The following VWA5B1 variants were observed in gnomAD, a reference collection of about 807,000 sequenced individuals.
VWA5B1 encodes the protein von Willebrand factor A domain containing 5B1.
A neutral mutation model predicts 118.2 loss-of-function variants in VWA5B1; 115 were observed. That is an observed-to-expected ratio of 0.97 (90% CI 0.84 to 1.14). VWA5B1 has a LOEUF of 1.14. Among genes scored for constraint, VWA5B1 ranks in the 50% most tolerant of loss-of-function variants. The pLI, the probability that VWA5B1 is intolerant of heterozygous loss-of-function variation, is 0.00. For missense variants in VWA5B1, 1,596 were observed against 1,603.8 expected (o/e 1.00, Z 0.08); for synonymous variants, 682 against 658.4 (o/e 1.04, Z -0.55).
At chr1:20,294,684 G>A (rs868283177) in intron 1 of VWA5B1, among the ~76,000 whole-genome samples, 13 of 151,992 alleles carry the variant, frequency 8.6e-5, no homozygotes, top group Middle Eastern at 6.3e-3. Flanking sequence ...TCTCCATGTT[G>A]GTCTGGCTGG....
intron 18 of VWA5B1, chr1:20,349,164 G>C (rs767160492): frequency 6.7e-6 from 3 of 445,844 alleles, no homozygotes; most frequent in Non-Finnish European, 1.4e-5. Flanking sequence ...CACAGTGTGA[G>C]GGGGTGGAAA....
chr1:20,351,763 G>A (rs1172898879), intron 20 of VWA5B1, among the ~76,000 whole-genome samples: 1 of 152,164 alleles, frequency 6.6e-6, no homozygotes, highest in African/African-American at 2.4e-5. Flanking sequence ...AGTAAGCTAC[G>A]ATTGTGTCCC....
Position 20,330,867 on chromosome 1 carries a change from A to T in VWA5B1, c.1458-2A>T, listed in dbSNP as rs1157603917. ...GCAGCCTCTCTTCTCCCTTTCCGCCAGGTGCTATAGCTTTGGAATTGGACC... is the reference window on the plus strand; with the variant it reads ...GCAGCCTCTCTTCTCCCTTTCCGCCTGGTGCTATAGCTTTGGAATTGGACC... On this transcript the variant is annotated splice_acceptor_variant, in intron 10 of 21. Coordinates refer to ENST00000289815, the MANE Select transcript of VWA5B1 (RefSeq NM_001039500.3). LOFTEE classifies it high-confidence loss of function. The T allele has an allele frequency of 1.3e-6, 2 of 1,551,596 alleles. No homozygotes were observed. The highest frequency in any genetic ancestry group is 1.4e-5 in the African/African-American group (1 of 73,172).
chr1:20,324,856 A>T (rs1014119077), intron 8 of VWA5B1, among the ~76,000 whole-genome samples: 2 of 152,164 alleles, frequency 1.3e-5, no homozygotes, highest in African/African-American at 4.8e-5. Flanking sequence ...AGTAGGGCTG[A>T]TTGGCACCTT....
chr1:20,292,291 A>T lies in VWA5B1; in HGVS notation c.-27+1203A>T, dbSNP rs549636491. 3.3e-5 allele frequency among the ~76,000 whole-genome samples: 5 copies of T among 151,650 alleles called. No individual in the cohort carries two copies. In the East Asian group the frequency reaches 9.8e-4, roughly 30 times the overall value. On this transcript the variant is annotated intron_variant, in intron 1 of 21. Transcript: ENST00000289815. ...TCACCTGTCTAAACCCAGCCAGCTC[A>T]TGGGGACTGGACGAGGCTCAAAGGG... is the stretch of plus-strand genomic sequence containing the variant.
chr1:20,350,769 C>A, intron 19 of VWA5B1, 88 bp from the exon 20 acceptor site: 2 of 1,300,294 alleles, frequency 1.5e-6, no homozygotes, highest in Non-Finnish European at 2.2e-6. Flanking sequence ...ACCTGCCCCT[C>A]TCTAGGCCTC....
chr1:20,346,515 G>A (rs2090012204), intron 17 of VWA5B1, among the ~76,000 whole-genome samples: 1 of 152,136 alleles, frequency 6.6e-6, no homozygotes, highest in Non-Finnish European at 1.5e-5. Context: ...ATCTCCTCAG[G>A]GTTAATTAAT....
chr1:20,314,729 A>G, intron 4 of VWA5B1, 137 bp downstream of exon 4: 1 of 1,427,524 alleles, frequency 7.0e-7, no homozygotes, highest in Non-Finnish European at 9.3e-7. Context: ...CCACCCTCTG[A>G]GCCATTTGCT....
intron 10 of VWA5B1, 53 bp from the exon 11 acceptor site, chr1:20,330,816 C>T: frequency 6.7e-7 from 1 of 1,490,138 alleles, no homozygotes; most frequent in Non-Finnish European, 9.2e-7. Context: ...CATCAGGAGG[C>T]AAAGATGCAG....
chr1:20,353,633 G>A (rs561797195), intron 21 of VWA5B1, 124 bp from the exon 22 acceptor site: 1 of 1,279,194 alleles, frequency 7.8e-7, no homozygotes, highest in South Asian at 1.7e-5. Context: ...ATTGACCTGG[G>A]TATCCTGAAA....
rs757450106 is a variant in VWA5B1 at position 20,314,566 on chromosome 1, T to C, written c.537T>C (p.Thr179=). ...PTVPQFCTKS[T]GTSNQQAQGK... Reference sequence around the variant, plus strand: ...TGCCCCAGTTCTGCACCAAGAGCACTGGCACCTCCAACCAACAGGCCCAGG... The same window carrying C: ...TGCCCCAGTTCTGCACCAAGAGCACCGGCACCTCCAACCAACAGGCCCAGG... The change falls in exon 4 of 22, where the codon ACT becomes ACC. Residue 179 remains threonine (T), a synonymous_variant. Transcript: ENST00000289815. 75 of 1,551,556 alleles carry C rather than the reference T, an allele frequency of 4.8e-5. 1 individual carries two copies. The South Asian group carries it at 8.6e-4, about 18-fold the overall frequency.
At chr1:20,309,907 C>CTGTG (rs59044353) in intron 1 of VWA5B1, among the ~76,000 whole-genome samples, 3,959 of 85,424 alleles carry the variant, frequency 0.046, 132 homozygotes, top group East Asian at 0.11. Context: ...GATGGATTGG[C>CTGTG]TGTGTGTGTG....
At chr1:20,317,754 G>C in intron 5 of VWA5B1, 79 bp downstream of exon 5, 516 of 482,504 alleles carry the variant, frequency 1.1e-3, no homozygotes, top group Non-Finnish European at 1.8e-3. Flanking sequence ...ACGGGGGTGG[G>C]AAGGAAAGCC....
intron 1 of VWA5B1, among the ~76,000 whole-genome samples, chr1:20,309,351 G>C (rs969822888): frequency 2.6e-5 from 4 of 152,192 alleles, no homozygotes; most frequent in Non-Finnish European, 2.9e-5. Flanking sequence ...TCAGCTCCGT[G>C]GGGGGATGAC....
Position 20,350,840 on chromosome 1 carries a change from A to G in VWA5B1, c.2954-17A>G. Reference sequence around the variant, plus strand: ...GTCATCTTCAGGTCTCAACTTGGTCATTCTGTGGCTCTCCAGGTCCCCAGC... The same window carrying G: ...GTCATCTTCAGGTCTCAACTTGGTCGTTCTGTGGCTCTCCAGGTCCCCAGC... On this transcript the variant is annotated splice_polypyrimidine_tract_variant and intron_variant, in intron 19 of 21. Coordinates refer to ENST00000289815, the MANE Select transcript of VWA5B1 (RefSeq NM_001039500.3). 1 of 1,551,740 alleles carries G rather than the reference A, an allele frequency of 6.4e-7. No homozygotes were observed. Among genetic ancestry groups the G allele is most frequent in the Non-Finnish European group, 8.7e-7 (1 of 1,146,940 alleles).
At chr1:20,334,584 G>A (rs1399236550) in intron 12 of VWA5B1, among the ~76,000 whole-genome samples, 1 of 152,166 alleles carries the variant, frequency 6.6e-6, no homozygotes, top group Non-Finnish European at 1.5e-5. Context: ...GCCGAGGCAG[G>A]TTGATCACCT....
At chr1:20,307,097 G>A (rs1255416172) in intron 1 of VWA5B1, among the ~76,000 whole-genome samples, 1 of 152,130 alleles carries the variant, frequency 6.6e-6, no homozygotes, top group African/African-American at 2.4e-5. Flanking sequence ...CAAGGAACTG[G>A]ACAAAGACAC....
chr1:20,328,867 A>T (rs576833505), intron 9 of VWA5B1, among the ~76,000 whole-genome samples: 2 of 152,376 alleles, frequency 1.3e-5, no homozygotes, highest in Admixed American at 1.3e-4. Context: ...GATAAAAGGA[A>T]GAAAAGACAC....
chr1:20,328,445 C>T (rs2089452432), intron 9 of VWA5B1, among the ~76,000 whole-genome samples: 1 of 152,102 alleles, frequency 6.6e-6, no homozygotes, highest in Admixed American at 6.5e-5. Context: ...ACTCACAAGG[C>T]TCAAGATACT....
Sources: allele counts gnomAD v4.1 joint callset (sites outside exome capture counted in the v4.1 genomes callset), GRCh38; gene constraint gnomAD v4.1.1; transcripts MANE v1.5; gene names NCBI Gene and HGNC (gene_info 2026-07-23, HGNC 2026-07-21).